The following VTI1A variants were observed in gnomAD, a reference collection of about 807,000 sequenced individuals.
VTI1A encodes the protein vesicle transport through interaction with t-SNAREs 1A.
VTI1A carries 22 observed loss-of-function variants against 34.9 expected under a neutral mutation model. The observed-to-expected ratio is 0.63, with a 90% CI of 0.45 to 0.90. The LOEUF (loss-of-function observed/expected upper bound fraction) is 0.90, where lower values mean the gene tolerates loss of function less well. VTI1A is among the 40% of genes least tolerant of loss of function. The pLI is 0.00. For missense variants in VTI1A, 268 were observed against 275.6 expected (o/e 0.97, Z 0.20); for synonymous variants, 87 against 97.3 (o/e 0.89, Z 0.62).
At chr10:112,699,196 C>T (rs1848903441) in intron 7 of VTI1A, among the ~76,000 whole-genome samples, 1 of 152,230 alleles carries the variant, frequency 6.6e-6, no homozygotes, top group Non-Finnish European at 1.5e-5. Context: ...AGCTAACTAC[C>T]TCCTCCTCAC....
At chr10:112,717,914 A>G (rs1849666493) in intron 7 of VTI1A, among the ~76,000 whole-genome samples, 1 of 152,088 alleles carries the variant, frequency 6.6e-6, no homozygotes, top group African/African-American at 2.4e-5. Flanking sequence ...CCACTCACAT[A>G]ATCCTTTAAG....
intron 5 of VTI1A, among the ~76,000 whole-genome samples, chr10:112,663,640 C>A (rs779496943): frequency 6.6e-6 from 1 of 152,148 alleles, no homozygotes; most frequent in Non-Finnish European, 1.5e-5. Flanking sequence ...CAGAGGATAA[C>A]CTAGCTATTC....
intron 7 of VTI1A, among the ~76,000 whole-genome samples, chr10:112,808,829 G>T (rs79866706): frequency 6.6e-6 from 1 of 151,966 alleles, no homozygotes; most frequent in South Asian, 2.1e-4. Context: ...CTCTGGTGTC[G>T]GCTTCTTTCA....
At chr10:112,500,935 G>A (rs1047182569) in intron 3 of VTI1A, among the ~76,000 whole-genome samples, 3 of 152,096 alleles carry the variant, frequency 2.0e-5, no homozygotes, top group Non-Finnish European at 4.4e-5. Context: ...TAAGCCCCAG[G>A]TCAGGCTTCT....
chr10:112,678,185 T>C (rs2133854201), intron 7 of VTI1A, among the ~76,000 whole-genome samples: 1 of 152,336 alleles, frequency 6.6e-6, no homozygotes, highest in Admixed American at 6.5e-5. Context: ...TGAGCCACAA[T>C]TTGACCTAAT....
chr10:112,623,839 A>T (rs763796411), intron 5 of VTI1A, among the ~76,000 whole-genome samples: 26 of 152,208 alleles, frequency 1.7e-4, no homozygotes, highest in Non-Finnish European at 3.4e-4. Context: ...TGCCTCTGCT[A>T]AAGGAACAGA....
At chr10:112,851,845 C>T in the VTI1A span, among the ~76,000 whole-genome samples, 1 of 152,062 alleles carries the variant, frequency 6.6e-6, no homozygotes, top group Non-Finnish European at 1.5e-5. Context: ...TGATAATGGC[C>T]GTAGGAAGAC....
chr10:112,764,612 T>G (rs1324620693), intron 7 of VTI1A, among the ~76,000 whole-genome samples: 1 of 152,232 alleles, frequency 6.6e-6, no homozygotes, highest in Non-Finnish European at 1.5e-5. Flanking sequence ...CTAGACATTT[T>G]TCTCTGGATA....
At chr10:112,630,909 G>A (rs1846106317) in intron 5 of VTI1A, among the ~76,000 whole-genome samples, 1 of 152,106 alleles carries the variant, frequency 6.6e-6, no homozygotes, top group Non-Finnish European at 1.5e-5. Context: ...ATCACCTGAG[G>A]TCAGGAGTTC....
the VTI1A span, among the ~76,000 whole-genome samples, chr10:112,828,400 A>AATT: frequency 0.017 from 2,540 of 151,656 alleles, 48 homozygotes; most frequent in African/African-American, 0.048. Context: ...AATGTTTTAA[A>AATT]ATTATTATTA....
At chr10:112,677,086 A>G (rs1039706518) in intron 7 of VTI1A, among the ~76,000 whole-genome samples, 1 of 152,284 alleles carries the variant, frequency 6.6e-6, no homozygotes, top group East Asian at 1.9e-4. Context: ...AAACTCCATT[A>G]ATCTATGATC....
chr10:112,727,775 C>T (rs937562716), intron 7 of VTI1A, among the ~76,000 whole-genome samples: 7 of 151,920 alleles, frequency 4.6e-5, no homozygotes, highest in African/African-American at 1.5e-4. Flanking sequence ...GAAAGGCAAA[C>T]GAGATATGGT....
chr10:112,612,381 T>C (rs1845351096), intron 5 of VTI1A, among the ~76,000 whole-genome samples: 1 of 152,188 alleles, frequency 6.6e-6, no homozygotes, highest in African/African-American at 2.4e-5. Flanking sequence ...CTACTAGTCA[T>C]ACTATAATAA....
chr10:112,630,005 G>A (rs551828385), intron 5 of VTI1A, among the ~76,000 whole-genome samples: 12 of 152,114 alleles, frequency 7.9e-5, no homozygotes, highest in Non-Finnish European at 1.8e-4. Flanking sequence ...AGAGTTGAGA[G>A]GGACTCTAGT....
chr10:112,606,029 C>CTTT (rs67139785), intron 5 of VTI1A, among the ~76,000 whole-genome samples: 6 of 139,162 alleles, frequency 4.3e-5, no homozygotes, highest in Admixed American at 3.5e-4. Context: ...TTCTTTTTTT[C>CTTT]TTTTTTTTTT....
At chr10:112,789,776 A>G (rs1180236218) in intron 7 of VTI1A, among the ~76,000 whole-genome samples, 1 of 151,806 alleles carries the variant, frequency 6.6e-6, no homozygotes, top group Non-Finnish European at 1.5e-5. Flanking sequence ...TTCTTTGTTG[A>G]GGCATTGTCA....
the VTI1A span, among the ~76,000 whole-genome samples, chr10:112,852,425 A>G: frequency 1.3e-5 from 2 of 152,086 alleles, no homozygotes; most frequent in Non-Finnish European, 2.9e-5. Context: ...TCACTTCCCA[A>G]TTCTCTGCCT....
At chr10:112,797,325 C>T (rs891049588) in intron 7 of VTI1A, among the ~76,000 whole-genome samples, 7 of 152,050 alleles carry the variant, frequency 4.6e-5, no homozygotes, top group African/African-American at 1.2e-4. Context: ...GAGGAAGGGC[C>T]GTGACCGTGG....
intron 3 of VTI1A, among the ~76,000 whole-genome samples, chr10:112,470,868 A>T (rs775139906): frequency 6.6e-6 from 1 of 152,202 alleles, no homozygotes. Context: ...CCTGGGCAAC[A>T]GAGCGAGAGA....
Sources: gnomAD v4.1 joint callset for allele counts (sites outside exome capture counted in the v4.1 genomes callset) on GRCh38, gnomAD v4.1.1 for gene constraint, MANE v1.5 for transcripts, NCBI Gene and HGNC (gene_info 2026-07-23, HGNC 2026-07-21) for gene names.